The following AGBL4 variants were observed in gnomAD, a reference collection of about 807,000 sequenced individuals.
AGBL4 encodes the protein cytosolic carboxypeptidase 6.
Under a neutral mutation model 66.4 loss-of-function variants are expected in AGBL4, and 58 were observed. The observed-to-expected ratio is 0.87, with a 90% confidence interval of 0.71 to 1.09. AGBL4 has a LOEUF of 1.09. Ranked by LOEUF, AGBL4 falls within the 50% of genes least tolerant of loss-of-function variation. The pLI, the probability that AGBL4 is intolerant of heterozygous loss-of-function variation, is 0.00. For missense variants in AGBL4, 579 were observed against 631.0 expected (o/e 0.92, Z 0.88); for synonymous variants, 234 against 222.9 (o/e 1.05, Z -0.44).
intron 6 of AGBL4, among the ~76,000 whole-genome samples, chr1:48,848,668 G>A (rs1000609605): frequency 2.0e-5 from 3 of 152,076 alleles, no homozygotes; most frequent in African/African-American, 4.8e-5. Flanking sequence ...TTGCTAACTC[G>A]AGATTGGGAA....
chr1:49,571,027 T>A (rs953556757), intron 3 of AGBL4, among the ~76,000 whole-genome samples: 1 of 152,032 alleles, frequency 6.6e-6, no homozygotes, highest in African/African-American at 2.4e-5. Context: ...ATGATGCCTC[T>A]AGCTTCATTC....
chr1:48,639,019 C>T (rs969627368), intron 8 of AGBL4, among the ~76,000 whole-genome samples: 13 of 152,114 alleles, frequency 8.5e-5, no homozygotes, highest in African/African-American at 3.1e-4. Flanking sequence ...TTCATAGTCT[C>T]CCCAGTTGGC....
At chr1:49,575,107 T>C (rs543692283) in intron 3 of AGBL4, among the ~76,000 whole-genome samples, 1 of 152,230 alleles carries the variant, frequency 6.6e-6, no homozygotes, top group African/African-American at 2.4e-5. Flanking sequence ...TTTGTCAGTG[T>C]AACTGTGCAA....
chr1:49,830,472 T>C (rs1165732616), intron 2 of AGBL4, among the ~76,000 whole-genome samples: 1 of 152,024 alleles, frequency 6.6e-6, no homozygotes, highest in Non-Finnish European at 1.5e-5. Context: ...TGTTTTTTCT[T>C]ATAAATTTAA....
At chr1:49,917,283 A>C (rs1339212759) in intron 1 of AGBL4, among the ~76,000 whole-genome samples, 1 of 152,162 alleles carries the variant, frequency 6.6e-6, no homozygotes, top group African/African-American at 2.4e-5. Context: ...TAAAAGACAC[A>C]GACTGGCAAA....
At chr1:49,815,255 TA>T (rs1645203398) in intron 2 of AGBL4, among the ~76,000 whole-genome samples, 1 of 152,304 alleles carries the variant, frequency 6.6e-6, no homozygotes, top group East Asian at 1.9e-4. Flanking sequence ...ATCCCACAAA[TA>T]ACCGAGTACA....
At chr1:49,588,620 C>T (rs777189505) in intron 3 of AGBL4, among the ~76,000 whole-genome samples, 9 of 152,134 alleles carry the variant, frequency 5.9e-5, no homozygotes, top group South Asian at 2.1e-4. Flanking sequence ...TCATTTGAAC[C>T]GCCAACCCAG....
intron 1 of AGBL4, among the ~76,000 whole-genome samples, chr1:49,989,757 G>A (rs560515374): frequency 6.6e-6 from 1 of 152,194 alleles, no homozygotes; most frequent in Middle Eastern, 3.4e-3. Flanking sequence ...ATATGAAATG[G>A]CATTCCAATC....
chr1:48,566,183 A>C (rs1644473242), intron 11 of AGBL4, among the ~76,000 whole-genome samples: 3 of 152,154 alleles, frequency 2.0e-5, no homozygotes, highest in Admixed American at 2.0e-4. Context: ...TTTAGTTCCT[A>C]AGCCTCCCTT....
intron 4 of AGBL4, among the ~76,000 whole-genome samples, chr1:49,107,694 T>TGAGAGAGAGAGAGAGA (rs56321932): frequency 2.6e-5 from 3 of 113,994 alleles, no homozygotes; most frequent in Admixed American, 8.8e-5. Flanking sequence ...TGTGTGTGTG[T>TGAGAGAGAGAGAGAGA]GAGAGAGAGA....
intron 5 of AGBL4, among the ~76,000 whole-genome samples, chr1:49,008,377 C>G (rs1662045276): frequency 1.3e-5 from 2 of 151,884 alleles, no homozygotes; most frequent in Admixed American, 1.3e-4. Flanking sequence ...ATTCATAAAG[C>G]AAGTCCTGAG....
intron 5 of AGBL4, among the ~76,000 whole-genome samples, chr1:48,950,489 G>A (rs1434404499): frequency 6.6e-6 from 1 of 152,188 alleles, no homozygotes; most frequent in East Asian, 1.9e-4. Flanking sequence ...GTACTTTTAA[G>A]CACTATAAAC....
chr1:48,535,044 G>A, intron 12 of AGBL4, 128 bp from the exon 13 acceptor site: 2 of 886,388 alleles, frequency 2.3e-6, no homozygotes, highest in South Asian at 1.7e-5. Flanking sequence ...TAGGACGTAA[G>A]TATGTTTTTA....
intron 3 of AGBL4, among the ~76,000 whole-genome samples, chr1:49,667,899 C>T (rs1646400569): frequency 6.6e-6 from 1 of 152,138 alleles, no homozygotes; most frequent in East Asian, 1.9e-4. Flanking sequence ...CTTTTACTCT[C>T]TATGTGGCCT....
intron 4 of AGBL4, among the ~76,000 whole-genome samples, chr1:49,104,352 AT>A: frequency 6.6e-6 from 1 of 152,330 alleles, no homozygotes; most frequent in African/African-American, 2.4e-5. Flanking sequence ...GATATGTTTC[AT>A]TTTTATAAAA....
intron 3 of AGBL4, among the ~76,000 whole-genome samples, chr1:49,446,530 G>T (rs1646160536): frequency 1.3e-5 from 2 of 152,174 alleles, no homozygotes; most frequent in South Asian, 4.1e-4. Context: ...ATGAGGTAGT[G>T]CTGGGAACTG....
At chr1:48,922,827 A>G (rs1654205093) in intron 5 of AGBL4, among the ~76,000 whole-genome samples, 1 of 152,038 alleles carries the variant, frequency 6.6e-6, no homozygotes, top group African/African-American at 2.4e-5. Flanking sequence ...AATTATTTAA[A>G]TCATTGATTA....
At chr1:49,234,624 G>C (rs550034505) in intron 4 of AGBL4, among the ~76,000 whole-genome samples, 1 of 152,066 alleles carries the variant, frequency 6.6e-6, no homozygotes, top group Non-Finnish European at 1.5e-5. Flanking sequence ...ATTTTTCCAG[G>C]GTCTTTTCCC....
chr1:48,542,373 G>C (rs1569697759), intron 11 of AGBL4, among the ~76,000 whole-genome samples: 1 of 152,256 alleles, frequency 6.6e-6, no homozygotes, highest in Middle Eastern at 3.4e-3. Flanking sequence ...GCGATTGCTG[G>C]ATCAAATGGT....
Sources: gnomAD v4.1 joint callset for allele counts (sites outside exome capture counted in the v4.1 genomes callset) on GRCh38, gnomAD v4.1.1 for gene constraint, MANE v1.5 for transcripts, NCBI Gene and HGNC (gene_info 2026-07-23, HGNC 2026-07-21) for gene names.